The following ARHGEF10 variants were observed in gnomAD, a reference collection of about 807,000 sequenced individuals.
ARHGEF10 encodes Rho guanine nucleotide exchange factor (GEF) 10.
ARHGEF10 carries 140 observed loss-of-function variants against 147.4 expected under a neutral mutation model. The observed-to-expected ratio is 0.95, with a 90% CI of 0.83 to 1.09. ARHGEF10 has a LOEUF of 1.09. Among genes scored for constraint, ARHGEF10 ranks in the 50% least tolerant of loss-of-function variants. The probability of loss-of-function intolerance (pLI) is 0.00; values close to 1 mark genes in which losing one functional copy is unlikely to be tolerated. For synonymous variants in ARHGEF10, 902 were observed against 695.8 expected, an observed-to-expected ratio of 1.30 and a Z score of -4.67; for missense variants, 2,222 against 1,752.7, an observed-to-expected ratio of 1.27 and a Z score of -4.78.
In ARHGEF10 at chr8:1,905,715, C is replaced by T. The variant is rs775351507; in HGVS notation, c.1966C>T (p.Arg656Cys). The T allele has an allele frequency of 8.1e-6, 13 of 1,613,476 alleles. No homozygotes were observed. Among genetic ancestry groups the T allele is most frequent in the East Asian group, 6.7e-5 (3 of 44,906 alleles). The change falls in exon 17 of 29, where the codon CGC becomes TGC. Residue 656 changes from arginine (R) to cysteine (C), a missense_variant and splice_region_variant. Physicochemically the swap from Arg to Cys is radical, Grantham distance 180. Transcript: ENST00000349830. ...DVLMCATVSS[R>C]PSHDSRVMSS... is the part of the protein sequence containing the mutation. ...GTTAATGTGTGCCACCGTCAGCTCA[C>T]GGTAAGTGCATAAATTCTCTATAGT...
intron 28 of ARHGEF10, among the ~76,000 whole-genome samples, chr8:1,954,157 A>G (rs1451170099): frequency 2.0e-5 from 3 of 151,994 alleles, no homozygotes; most frequent in Non-Finnish European, 4.4e-5. Flanking sequence ...CCAGTGGCAC[A>G]GTCTCGGCTC....
At position 1,922,968 on chromosome 8, in the gene ARHGEF10, A is replaced by C; in HGVS notation, c.2148A>C (p.Lys716Asn). The change falls in exon 19 of 29, where the codon AAA (lysine) becomes AAC (asparagine). Residue 716 changes from lysine to asparagine, a missense_variant. By Grantham distance (94) the Lys-to-Asn change is moderately conservative (BLOSUM62 0). Coordinates refer to ENST00000349830, the MANE Select transcript of ARHGEF10 (RefSeq NM_014629.4). Reference protein sequence around the residue: ...LAVVANAKPNKVYMGPGQLYQ... With the variant: ...LAVVANAKPNNVYMGPGQLYQ... ...TTCTTTTTGCTTATTTTGTAGACAA[A>C]GTTTACATGGGGCCAGGACAACTGT... is the stretch of plus-strand genomic sequence containing the variant. 1 of 1,610,164 alleles carries C rather than the reference A, an allele frequency of 6.2e-7. No homozygotes were observed. The highest frequency in any genetic ancestry group is 1.7e-5 in the Admixed American group (1 of 59,982).
chr8:1,837,163 A>G (rs1443103758), intron 1 of ARHGEF10, among the ~76,000 whole-genome samples: 1 of 152,236 alleles, frequency 6.6e-6, no homozygotes, highest in Non-Finnish European at 1.5e-5. Flanking sequence ...AGACTTGTGT[A>G]TGGGTCAGGA....
At chr8:1,866,817 C>A (rs1057345068) in intron 6 of ARHGEF10, among the ~76,000 whole-genome samples, 1 of 152,226 alleles carries the variant, frequency 6.6e-6, no homozygotes, top group Non-Finnish European at 1.5e-5. Flanking sequence ...CTCTCCACGT[C>A]CACGCACTCA....
chr8:1,827,738 AT>A (rs1224982469), intron 1 of ARHGEF10, among the ~76,000 whole-genome samples: 3 of 152,144 alleles, frequency 2.0e-5, no homozygotes, highest in African/African-American at 7.2e-5. Flanking sequence ...GGTATTTTAT[AT>A]TTTTGTTAAA....
At chr8:1,859,427 A>C (rs1202200142) in intron 3 of ARHGEF10, among the ~76,000 whole-genome samples, 4 of 147,176 alleles carry the variant, frequency 2.7e-5, no homozygotes, top group African/African-American at 1.0e-4. Context: ...CTTTGTGCGC[A>C]GCACCCGCCT....
At chr8:1,874,837 C>G (rs575333816) in intron 7 of ARHGEF10, among the ~76,000 whole-genome samples, 162 of 73,148 alleles carry the variant, frequency 2.2e-3, no homozygotes, top group African/African-American at 5.9e-3. Context: ...ACACACACCA[C>G]GGCGTGTAGG....
At chr8:1,863,179 C>G (rs1371453474) in intron 4 of ARHGEF10, among the ~76,000 whole-genome samples, 7 of 152,108 alleles carry the variant, frequency 4.6e-5, no homozygotes, top group Non-Finnish European at 1.0e-4. Context: ...CTGTGTCTGC[C>G]CTGACACCTG....
At chr8:1,936,395 G>C (rs944544847) in intron 26 of ARHGEF10, among the ~76,000 whole-genome samples, 1 of 152,142 alleles carries the variant, frequency 6.6e-6, no homozygotes, top group Non-Finnish European at 1.5e-5. Flanking sequence ...CATGCCTGTA[G>C]GATATTCGGG....
intron 26 of ARHGEF10, among the ~76,000 whole-genome samples, chr8:1,936,619 C>G (rs1401588819): frequency 6.6e-6 from 1 of 152,166 alleles, no homozygotes; most frequent in African/African-American, 2.4e-5. Flanking sequence ...GTTCTAATGA[C>G]TAAATCTACA....
chr8:1,915,201 G>A (rs1228677138), intron 18 of ARHGEF10, among the ~76,000 whole-genome samples: 1 of 152,194 alleles, frequency 6.6e-6, no homozygotes, highest in African/African-American at 2.4e-5. Context: ...CTCTCAGAGA[G>A]GATGGGCGCT....
intron 15 of ARHGEF10, among the ~76,000 whole-genome samples, chr8:1,898,912 A>G (rs1421941544): frequency 6.6e-6 from 1 of 152,218 alleles, no homozygotes; most frequent in Non-Finnish European, 1.5e-5. Context: ...CTAGGATCAC[A>G]TGAAAAATGA....
intron 17 of ARHGEF10, among the ~76,000 whole-genome samples, chr8:1,907,533 C>A (rs1461941353): frequency 6.6e-6 from 1 of 152,220 alleles, no homozygotes. Flanking sequence ...ACTGCTGCTC[C>A]AGAACCCCTC....
intron 1 of ARHGEF10, among the ~76,000 whole-genome samples, chr8:1,837,427 G>C (rs1388224696): frequency 1.3e-5 from 2 of 152,232 alleles, no homozygotes; most frequent in Non-Finnish European, 2.9e-5. Context: ...TTGGTCCTAA[G>C]ATTATCAGTG....
At chr8:1,901,461 A>AGGG (rs1160640942) in intron 15 of ARHGEF10, among the ~76,000 whole-genome samples, 2 of 152,204 alleles carry the variant, frequency 1.3e-5, no homozygotes, top group Non-Finnish European at 2.9e-5. Context: ...TGGTACTGTC[A>AGGG]GTTTCTCCCA....
Position 1,914,327 on chromosome 8 carries a change from G to C in ARHGEF10, c.2143+4857G>C, listed in dbSNP as rs551321894. 7.9e-5 allele frequency among the ~76,000 whole-genome samples: 12 copies of C among 152,338 alleles called. No individual in the cohort carries two copies. In the South Asian group the frequency reaches 1.0e-3, roughly 13 times the overall value. ...GTTCTGTGGAGGCACGGAGGGGTCT[G>C]AGCAGCGCGTCCAGCCACAGCCCTG... On this transcript the variant is annotated intron_variant, in intron 18 of 28. Transcript: ENST00000349830.
intron 4 of ARHGEF10, among the ~76,000 whole-genome samples, chr8:1,861,206 G>A (rs142554774): frequency 1.3e-5 from 2 of 152,376 alleles, no homozygotes; most frequent in African/African-American, 4.8e-5. Flanking sequence ...AAGGGGCTTG[G>A]TTGGTGGAGC....
At chr8:1,928,244 A>G (rs766560810) in intron 23 of ARHGEF10, among the ~76,000 whole-genome samples, 183 bp from the exon 24 acceptor site, 12 of 152,120 alleles carry the variant, frequency 7.9e-5, no homozygotes, top group Non-Finnish European at 1.3e-4. Flanking sequence ...ACTGAATTAA[A>G]TGTGTTGAAA....
At chr8:1,826,309 C>T (rs1247286246) in intron 1 of ARHGEF10, among the ~76,000 whole-genome samples, 1 of 152,068 alleles carries the variant, frequency 6.6e-6, no homozygotes. Flanking sequence ...GCTGCCTTTC[C>T]TCTGCAGTTT....
Sources: allele counts gnomAD v4.1 joint callset (sites outside exome capture counted in the v4.1 genomes callset), GRCh38; gene constraint gnomAD v4.1.1; transcripts MANE v1.5; gene names NCBI Gene and HGNC (gene_info 2026-07-23, HGNC 2026-07-21).